The following SPIDR variants were observed in gnomAD, a reference collection of about 807,000 sequenced individuals.
SPIDR encodes scaffold protein involved in DNA repair.
Under a neutral mutation model 104.6 loss-of-function variants are expected in SPIDR, and 93 were observed. The ratio of observed to expected loss-of-function variants is 0.89; its 90% CI spans 0.75 to 1.06. The LOEUF is 1.06. SPIDR is among the 50% of genes least tolerant of loss of function. SPIDR has a pLI of 0.00. For missense variants in SPIDR, 1,154 were observed against 1,111.2 expected, an observed-to-expected ratio of 1.04 and a Z score of -0.55; for synonymous variants, 431 against 416.9, an observed-to-expected ratio of 1.03 and a Z score of -0.41.
intron 5 of SPIDR, among the ~76,000 whole-genome samples, chr8:47,338,131 T>A (rs2050106628): frequency 6.6e-6 from 1 of 152,204 alleles, no homozygotes; most frequent in African/African-American, 2.4e-5. Context: ...CCCCAGCCTG[T>A]AGGTCTCTTG....
chr8:47,330,983 C>G, intron 5 of SPIDR: 1 of 328,906 alleles, frequency 3.0e-6, no homozygotes, highest in Non-Finnish European at 6.1e-6. Context: ...CAAAAGAGTT[C>G]CTGTTGCTCC....
At chr8:47,511,989 G>A in intron 8 of SPIDR, 1 of 787,554 alleles carries the variant, frequency 1.3e-6, no homozygotes, top group South Asian at 1.4e-5. Flanking sequence ...CCTGTGAAAT[G>A]GTTATGATGT....
At chr8:47,381,143 C>T (rs2059278787) in intron 5 of SPIDR, among the ~76,000 whole-genome samples, 1 of 152,160 alleles carries the variant, frequency 6.6e-6, no homozygotes, top group South Asian at 2.1e-4. Flanking sequence ...GGTAATAGAC[C>T]TGTGGATAAA....
At chr8:47,714,408 G>C (rs1019635376) in intron 16 of SPIDR, among the ~76,000 whole-genome samples, 1 of 152,180 alleles carries the variant, frequency 6.6e-6, no homozygotes, top group Admixed American at 6.5e-5. Context: ...GCTCAGTTCT[G>C]TCGGGAGAGT....
chr8:47,340,709 CAT>C (rs1249482072), intron 5 of SPIDR, among the ~76,000 whole-genome samples: 1 of 152,186 alleles, frequency 6.6e-6, no homozygotes, highest in Non-Finnish European at 1.5e-5. Flanking sequence ...ATACCAAACA[CAT>C]GTTTAGAAGG....
chr8:47,419,537 C>T (rs2065030374), intron 7 of SPIDR, among the ~76,000 whole-genome samples: 1 of 152,112 alleles, frequency 6.6e-6, no homozygotes, highest in South Asian at 2.1e-4. Flanking sequence ...TGCTAGTAGT[C>T]TATCAATTTT....
chr8:47,537,824 C>T (rs1388856892), intron 8 of SPIDR, among the ~76,000 whole-genome samples: 1 of 152,142 alleles, frequency 6.6e-6, no homozygotes, highest in African/African-American at 2.4e-5. Flanking sequence ...AGTATTTCTG[C>T]TTCATTTCTT....
intron 5 of SPIDR, among the ~76,000 whole-genome samples, chr8:47,371,156 AAAAG>A (rs1398423277): frequency 1.3e-5 from 2 of 151,806 alleles, no homozygotes; most frequent in Non-Finnish European, 2.9e-5. Context: ...AAGGAAAAAA[AAAAG>A]AAAACCATTA....
intron 10 of SPIDR, among the ~76,000 whole-genome samples, chr8:47,659,862 A>C (rs2073786601): frequency 6.6e-6 from 1 of 152,106 alleles, no homozygotes; most frequent in South Asian, 2.1e-4. Flanking sequence ...AGTGACCTAG[A>C]ATGAAACAGC....
chr8:47,636,076 C>G (rs2067876240), intron 10 of SPIDR, among the ~76,000 whole-genome samples: 1 of 152,232 alleles, frequency 6.6e-6, no homozygotes, highest in Admixed American at 6.5e-5. Context: ...TCAAGCAGTT[C>G]TATCAGTATC....
chr8:47,312,223 G>T (rs1484037400), intron 5 of SPIDR, among the ~76,000 whole-genome samples: 4 of 152,226 alleles, frequency 2.6e-5, no homozygotes, highest in East Asian at 1.9e-4. Flanking sequence ...ATAGTCCTTT[G>T]GGTATATACC....
chr8:47,284,933 A>G (rs1041470825), intron 3 of SPIDR, among the ~76,000 whole-genome samples: 2 of 152,270 alleles, frequency 1.3e-5, no homozygotes, highest in African/African-American at 4.8e-5. Flanking sequence ...TGCCATAGGC[A>G]GTCAGCCCCG....
At chr8:47,363,500 T>TAAAAA (rs34766173) in intron 5 of SPIDR, among the ~76,000 whole-genome samples, 2 of 139,652 alleles carry the variant, frequency 1.4e-5, no homozygotes, top group Non-Finnish European at 3.0e-5. Context: ...CAACCTTTTT[T>TAAAAA]AAAAAAAAAA....
chr8:47,648,505 CTGTT>C (rs1262806615), intron 10 of SPIDR, among the ~76,000 whole-genome samples: 4 of 152,170 alleles, frequency 2.6e-5, no homozygotes, highest in African/African-American at 7.2e-5. Flanking sequence ...AAGTCAGTGT[CTGTT>C]TGTGTGAGAG....
chr8:47,331,746 ACTT>A (rs782353674), intron 5 of SPIDR, among the ~76,000 whole-genome samples: 49 of 151,978 alleles, frequency 3.2e-4, no homozygotes, highest in East Asian at 7.7e-4. Context: ...TAACGTTTTT[ACTT>A]CTTCTTCATT....
intron 8 of SPIDR, among the ~76,000 whole-genome samples, chr8:47,589,205 A>G (rs2154417993): frequency 6.6e-6 from 1 of 152,062 alleles, no homozygotes; most frequent in South Asian, 2.1e-4. Flanking sequence ...GGACCTGGAG[A>G]TACCACTTTT....
chr8:47,616,275 C>G (rs1429542884), intron 10 of SPIDR, among the ~76,000 whole-genome samples: 4 of 152,126 alleles, frequency 2.6e-5, no homozygotes, highest in Non-Finnish European at 5.9e-5. Context: ...ATTCTTTCAC[C>G]ATTGAGTGTG....
chr8:47,588,211 T>C (rs2060535942), intron 8 of SPIDR, among the ~76,000 whole-genome samples: 1 of 150,078 alleles, frequency 6.7e-6, no homozygotes, highest in African/African-American at 2.4e-5. Context: ...AATCCATAAA[T>C]ATGTCTTCCA....
chr8:47,333,780 A>G (rs896117295), intron 5 of SPIDR, among the ~76,000 whole-genome samples: 2 of 152,246 alleles, frequency 1.3e-5, no homozygotes, highest in Non-Finnish European at 2.9e-5. Flanking sequence ...GCATTGCACT[A>G]TAAGGTTACA....
Sources: allele counts gnomAD v4.1 joint callset (sites outside exome capture counted in the v4.1 genomes callset), GRCh38; gene constraint gnomAD v4.1.1; transcripts MANE v1.5; gene names NCBI Gene and HGNC (gene_info 2026-07-23, HGNC 2026-07-21).